The following CHST15 variants were observed in gnomAD, a reference collection of about 807,000 sequenced individuals.
The protein encoded by CHST15 is B cell RAG associated protein (GALNAC4S-6ST).
In CHST15, 30 loss-of-function variants were observed where a neutral mutation model predicts 53.6. The ratio of observed to expected loss-of-function variants is 0.56; its 90% CI spans 0.42 to 0.76. The LOEUF (loss-of-function observed/expected upper bound fraction) is 0.76, where lower values mean the gene tolerates loss of function less well. CHST15 is among the 30% of genes least tolerant of loss of function. The probability of loss-of-function intolerance (pLI) is 0.00; values close to 1 mark genes in which losing one functional copy is unlikely to be tolerated. For synonymous variants in CHST15, 296 were observed against 289.8 expected, an observed-to-expected ratio of 1.02 and a Z score of -0.22; for missense variants, 627 against 740.5, an observed-to-expected ratio of 0.85 and a Z score of 1.78.
In CHST15 at chr10:124,074,706, G is replaced by A. The variant is rs982250126; in HGVS notation, c.-513+18763C>T. 2.3e-4 allele frequency among the ~76,000 whole-genome samples: 35 copies of A among 152,074 alleles called. No individual in the cohort carries two copies. The highest frequency in any genetic ancestry group is 7.2e-4 in the African/African-American group (30 of 41,410). On this transcript the variant is annotated intron_variant, in intron 1 of 7. Transcript: ENST00000435907. The surrounding 1 kb of genome is among the most constrained non-coding windows in gnomAD (Gnocchi z 4.4). ...CAAACTTGCTCATAGACCACTTCCC[G>A]TTCCTGTCCCCAGCTCATCACAACT...
intron 1 of CHST15, among the ~76,000 whole-genome samples, chr10:124,084,884 C>T (rs1564917759): frequency 6.6e-6 from 1 of 152,168 alleles, no homozygotes; most frequent in East Asian, 1.9e-4. Flanking sequence ...CACAAGATCT[C>T]GGCCAAAACT....
chr10:124,031,133 G>A lies in CHST15; in HGVS notation c.1190+7382C>T, dbSNP rs530061363. Among the ~76,000 whole-genome samples, 6 of 152,352 alleles carry A rather than the reference G, an allele frequency of 3.9e-5. No homozygotes were observed. In the East Asian group the frequency reaches 1.2e-3, roughly 29 times the overall value. ...AGGTGGTCCTGTCCAATGATGGGTG[G>A]ATGGGAGAAGCCTCACCCAGAGATA... is the stretch of plus-strand genomic sequence containing the variant. On this transcript the variant is annotated intron_variant, in intron 5 of 7. Coordinates refer to ENST00000435907, the MANE Select transcript of CHST15 (RefSeq NM_001270764.2).
At chr10:124,033,224 G>C (rs565524896) in intron 5 of CHST15, among the ~76,000 whole-genome samples, 2 of 152,240 alleles carry the variant, frequency 1.3e-5, no homozygotes, top group Non-Finnish European at 2.9e-5. Context: ...TGGGTCATGG[G>C]CTTCGAAAAA....
intron 5 of CHST15, among the ~76,000 whole-genome samples, chr10:124,030,790 G>A (rs1269873423): frequency 6.6e-6 from 1 of 152,226 alleles, no homozygotes. Flanking sequence ...TGTTTGGAGA[G>A]GGGCTTCCGG....
At chr10:124,032,689 C>T (rs980537430) in intron 5 of CHST15, among the ~76,000 whole-genome samples, 4 of 151,970 alleles carry the variant, frequency 2.6e-5, no homozygotes, top group African/African-American at 9.7e-5. Flanking sequence ...ATGCATCAAG[C>T]TAGTTTTAAA....
intron 1 of CHST15, among the ~76,000 whole-genome samples, chr10:124,066,255 GACC>G (rs1291634423): frequency 1.3e-5 from 2 of 152,006 alleles, no homozygotes; most frequent in Non-Finnish European, 2.9e-5. Context: ...TTTGAGCGTC[GACC>G]AGCTAGGGGA....
chr10:124,053,577 T>C, intron 1 of CHST15, among the ~76,000 whole-genome samples: 1 of 151,050 alleles, frequency 6.6e-6, no homozygotes, highest in East Asian at 2.0e-4. Context: ...CACTGCAACC[T>C]CTGCCTCCCA....
chr10:124,057,433 A>G (rs1293946708), intron 1 of CHST15, among the ~76,000 whole-genome samples: 1 of 152,086 alleles, frequency 6.6e-6, no homozygotes, highest in African/African-American at 2.4e-5. Flanking sequence ...AACACCTACT[A>G]TGTGCAGGGC....
intron 5 of CHST15, among the ~76,000 whole-genome samples, chr10:124,023,453 C>T (rs1428833250): frequency 6.6e-6 from 1 of 151,376 alleles, no homozygotes; most frequent in Non-Finnish European, 1.5e-5. Flanking sequence ...CCATTGCACT[C>T]CAGCCTGGGC....
chr10:124,044,776 G>A lies in CHST15; in HGVS notation c.690C>T (p.Asp230=), dbSNP rs34389704. The part of the protein sequence containing the change: ...LYSKRFRSTF[D]ALRKAFWGHL... ...GGCCCCAGAAGGCCTTGCGCAGGGCGTCGAAGGTGGAGCGGAAGCGCTTGG... is the reference window on the plus strand; with the variant it reads ...GGCCCCAGAAGGCCTTGCGCAGGGCATCGAAGGTGGAGCGGAAGCGCTTGG... The change falls in exon 3 of 8, where the codon GAC becomes GAT. Residue 230 remains aspartate, a synonymous_variant. Transcript: ENST00000435907. 7.4e-6 allele frequency: 12 copies of A among 1,611,116 alleles called. No homozygotes were observed. Among genetic ancestry groups the A allele is most frequent in the Non-Finnish European group, 1.0e-5 (12 of 1,178,498 alleles).
chr10:124,037,114 T>C (rs1391669773), intron 5 of CHST15, among the ~76,000 whole-genome samples: 5 of 152,330 alleles, frequency 3.3e-5, no homozygotes, highest in East Asian at 1.9e-4. Flanking sequence ...TCAAGAGGCA[T>C]GCTCCCTGTG....
At chr10:124,091,733 C>T (rs1169367741) in intron 1 of CHST15, among the ~76,000 whole-genome samples, 2 of 152,274 alleles carry the variant, frequency 1.3e-5, no homozygotes, top group Non-Finnish European at 2.9e-5. Context: ...ACAGCGGCTC[C>T]GCGCACGCAG....
At chr10:124,029,510 C>CCAAT (rs1364173877) in intron 5 of CHST15, among the ~76,000 whole-genome samples, 1 of 152,206 alleles carries the variant, frequency 6.6e-6, no homozygotes, top group Non-Finnish European at 1.5e-5. Context: ...TCCAGAGCAT[C>CCAAT]CAATCACAGG....
intron 1 of CHST15, among the ~76,000 whole-genome samples, chr10:124,070,521 G>A (rs1031770048): frequency 2.0e-5 from 3 of 152,102 alleles, no homozygotes; most frequent in Admixed American, 6.5e-5. Context: ...TGGGACTAAA[G>A]GTGCACACCA....
intron 4 of CHST15, 94 bp downstream of exon 4, chr10:124,042,207 T>A: frequency 3.0e-6 from 4 of 1,326,844 alleles, no homozygotes; most frequent in Admixed American, 2.2e-5. Context: ...CATGTAAATG[T>A]TCTGGAGGTG....
intron 1 of CHST15, among the ~76,000 whole-genome samples, chr10:124,073,896 G>T (rs1294106772): frequency 6.6e-6 from 1 of 152,142 alleles, no homozygotes; most frequent in Non-Finnish European, 1.5e-5. Context: ...GGTCTGATGG[G>T]TTTCCAGGGT....
chr10:124,007,850 G>T lies in CHST15; in HGVS notation c.*2299C>A. 8.1e-7 allele frequency: 1 copy of T among 1,232,140 alleles called. No homozygotes were observed. Among genetic ancestry groups the T allele is most frequent in the Non-Finnish European group, 1.0e-6 (1 of 987,932 alleles). 76.3% of individuals were successfully genotyped at this position (1,232,140 alleles called of 1,614,324 possible). A position where few individuals can be genotyped will look rare whatever the true frequency, so the allele number is the denominator to read the frequency against. On this transcript the variant is annotated 3_prime_UTR_variant, in exon 8 of 8. Coordinates refer to ENST00000435907, the MANE Select transcript of CHST15 (RefSeq NM_001270764.2). ...GAACAAAAAGGAACTTCAATACCAT[G>T]TTGTGAGAAATGCTCCAATTTGCTT...
chr10:124,018,523 C>T (rs1222221780), intron 6 of CHST15, among the ~76,000 whole-genome samples: 1 of 152,230 alleles, frequency 6.6e-6, no homozygotes, highest in African/African-American at 2.4e-5. Context: ...TGTTCAGATT[C>T]GCCTCTGTGC....
At chr10:124,035,047 CT>C (rs1486962013) in intron 5 of CHST15, among the ~76,000 whole-genome samples, 5 of 143,112 alleles carry the variant, frequency 3.5e-5, no homozygotes, top group African/African-American at 1.3e-4. Flanking sequence ...GGCTCTACCC[CT>C]GATAGGTACC....
Sources: gnomAD v4.1 joint callset for allele counts (sites outside exome capture counted in the v4.1 genomes callset) on GRCh38, gnomAD v4.1.1 for gene constraint, Gnocchi (gnomAD v3.1) non-coding constraint, MANE v1.5 for transcripts, NCBI Gene and HGNC (gene_info 2026-07-23, HGNC 2026-07-21) for gene names.